KHDRBS2: variants seen among roughly 807,000 people sequenced by gnomAD.
KHDRBS2 encodes the protein KH RNA binding domain containing, signal transduction associated 2.
In KHDRBS2, 26 loss-of-function variants were observed where a neutral mutation model predicts 44.3. The observed-to-expected ratio is 0.59, with a 90% confidence interval of 0.43 to 0.81. KHDRBS2 has a LOEUF of 0.81. Ranked by LOEUF, KHDRBS2 falls within the 40% of genes least tolerant of loss-of-function variation. The pLI is 0.00. For synonymous variants in KHDRBS2, 194 were observed against 151.1 expected (o/e 1.28, Z -2.08); for missense variants, 476 against 433.1 (o/e 1.10, Z -0.88).
chr6:62,044,394 C>T (rs186366703), intron 3 of KHDRBS2, among the ~76,000 whole-genome samples: 89 of 151,844 alleles, frequency 5.9e-4, no homozygotes, highest in African/African-American at 2.0e-3. Flanking sequence ...AAATATCACT[C>T]GAGCCCTGAG....
intron 1 of KHDRBS2, among the ~76,000 whole-genome samples, chr6:62,207,518 C>T (rs1828203004): frequency 6.6e-6 from 1 of 152,086 alleles, no homozygotes; most frequent in Non-Finnish European, 1.5e-5. Flanking sequence ...ATCTTACAAA[C>T]TGCCTAAAGC....
intron 3 of KHDRBS2, among the ~76,000 whole-genome samples, chr6:62,026,320 C>T (rs1783298871): frequency 6.6e-6 from 1 of 151,574 alleles, no homozygotes; most frequent in South Asian, 2.1e-4. Flanking sequence ...ACCGTGAGAA[C>T]AGTATACAAT....
chr6:62,240,855 G>A (rs1834548069), intron 1 of KHDRBS2, among the ~76,000 whole-genome samples: 1 of 150,978 alleles, frequency 6.6e-6, no homozygotes, highest in Non-Finnish European at 1.5e-5. Flanking sequence ...TACAACTTCA[G>A]TATACATATA....
At chr6:61,734,654 TATGAC>T (rs1192025952) in intron 6 of KHDRBS2, among the ~76,000 whole-genome samples, 7 of 152,152 alleles carry the variant, frequency 4.6e-5, no homozygotes, top group African/African-American at 1.7e-4. Flanking sequence ...TGTATCCTCT[TATGAC>T]ATAAATTATT....
chr6:61,834,190 A>C (rs1390715183), intron 6 of KHDRBS2, among the ~76,000 whole-genome samples: 3 of 152,076 alleles, frequency 2.0e-5, no homozygotes, highest in African/African-American at 7.2e-5. Flanking sequence ...AATATCTCCA[A>C]AAAATTCTCT....
At position 62,087,420 on chromosome 6, in the gene KHDRBS2, CTAATT is replaced by C. The variant is rs549824197; in HGVS notation, c.220-39431_220-39427del. Among the ~76,000 whole-genome samples the C allele has an allele frequency of 1.6e-3, 246 of 150,078 alleles. 1 individual carries two copies. The highest frequency in any genetic ancestry group is 5.9e-3 in the African/African-American group (239 of 40,836). Reference sequence around the variant, plus strand: ...AAAAAGACAATTTCATAAATTTAGACTAATTTAGAAGACACAAAAATAAAAATTAT... The same window carrying C: ...AAAAAGACAATTTCATAAATTTAGACTAGAAGACACAAAAATAAAAATTAT... On this transcript the variant is annotated intron_variant, in intron 2 of 8. Transcript: ENST00000281156.
chr6:61,910,589 T>G (rs1448179866), intron 4 of KHDRBS2, among the ~76,000 whole-genome samples: 1 of 152,154 alleles, frequency 6.6e-6, no homozygotes, highest in African/African-American at 2.4e-5. Context: ...TATGTAGACA[T>G]TTTGCAGGAA....
intron 2 of KHDRBS2, among the ~76,000 whole-genome samples, chr6:62,128,008 T>C (rs1414203719): frequency 6.6e-6 from 1 of 152,158 alleles, no homozygotes; most frequent in African/African-American, 2.4e-5. Context: ...ATTTTTCCCA[T>C]CTTTTATAGA....
chr6:61,893,622 C>T (rs1462160748), intron 6 of KHDRBS2, among the ~76,000 whole-genome samples: 1 of 151,994 alleles, frequency 6.6e-6, no homozygotes, highest in Non-Finnish European at 1.5e-5. Flanking sequence ...AGCTGGAAAC[C>T]ATCATTCTCA....
intron 1 of KHDRBS2, among the ~76,000 whole-genome samples, chr6:62,225,114 C>G (rs755696491): frequency 2.6e-5 from 4 of 152,118 alleles, no homozygotes; most frequent in Admixed American, 6.5e-5. Flanking sequence ...GCCAGGCATG[C>G]TTCTAAACAT....
At chr6:61,711,230 A>G (rs1329271136) in intron 7 of KHDRBS2, among the ~76,000 whole-genome samples, 1 of 151,738 alleles carries the variant, frequency 6.6e-6, no homozygotes, top group Non-Finnish European at 1.5e-5. Flanking sequence ...TGGAACTTTA[A>G]CTACCAGTCA....
rs115651007 is a variant in KHDRBS2 at position 62,058,672 on chromosome 6, T to C, written c.220-10678A>G. ...AAAACATTGGTGAGCAAGAGAATAG[T>C]TTTATTAGAATAGAGTAGAACATTA... On this transcript the variant is annotated intron_variant, in intron 2 of 8. Coordinates refer to ENST00000281156, the MANE Select transcript of KHDRBS2 (RefSeq NM_152688.4). Among the ~76,000 whole-genome samples the C allele has an allele frequency of 7.6e-3, 1,161 of 151,986 alleles. 9 individuals are homozygous for C. The highest frequency in any genetic ancestry group is 0.013 in the Admixed American group (200 of 15,224).
In KHDRBS2 at chr6:61,839,472, C is replaced by A. The variant is rs74701860; in HGVS notation, c.810+55163G>T. On this transcript the variant is annotated intron_variant, in intron 6 of 8. Transcript: ENST00000281156. ...GAGTTAAGGCTAATATCCAAATAGG[C>A]AAATGTGTTTAATAGTCAACTGTAA... 5.6e-3 allele frequency among the ~76,000 whole-genome samples: 858 copies of A among 152,118 alleles called. 11 individuals are homozygous for A. The highest frequency in any genetic ancestry group is 0.019 in the African/African-American group (791 of 41,522).
At chr6:61,601,940 C>T in the KHDRBS2 span, among the ~76,000 whole-genome samples, 1 of 152,138 alleles carries the variant, frequency 6.6e-6, no homozygotes, top group African/African-American at 2.4e-5. Context: ...GTTAATGCTC[C>T]TTTTTCTTTA....
At position 62,249,613 on chromosome 6, in the gene KHDRBS2, A is replaced by C. The variant is rs1585417237; in HGVS notation, c.91+36245T>G. 2.0e-5 allele frequency among the ~76,000 whole-genome samples: 3 copies of C among 152,124 alleles called. No homozygotes were observed. The South Asian group carries it at 6.2e-4, about 31-fold the overall frequency. ...GGAAATATATAAAATACAACAAAAA[A>C]ACTAACTTTCACATTTACCTCCTAT... is the stretch of plus-strand genomic sequence containing the variant. On this transcript the variant is annotated intron_variant, in intron 1 of 8. Transcript: ENST00000281156.
At chr6:62,107,625 C>T (rs1429512632) in intron 2 of KHDRBS2, among the ~76,000 whole-genome samples, 14 of 152,046 alleles carry the variant, frequency 9.2e-5, no homozygotes, top group Non-Finnish European at 1.5e-4. Flanking sequence ...AAAAAGAGCC[C>T]GCATCGCCAA....
At chr6:61,804,984 C>T (rs1008571671) in intron 6 of KHDRBS2, among the ~76,000 whole-genome samples, 1 of 152,182 alleles carries the variant, frequency 6.6e-6, no homozygotes, top group African/African-American at 2.4e-5. Flanking sequence ...TTAAATTTCT[C>T]CTCAGAAAAT....
At chr6:61,720,737 A>G (rs1412360287) in intron 7 of KHDRBS2, among the ~76,000 whole-genome samples, 1 of 151,086 alleles carries the variant, frequency 6.6e-6, no homozygotes, top group Non-Finnish European at 1.5e-5. Context: ...TTGCCTGTTC[A>G]CTCTGATGGT....
At chr6:62,125,310 C>A (rs1808702055) in intron 2 of KHDRBS2, among the ~76,000 whole-genome samples, 1 of 152,162 alleles carries the variant, frequency 6.6e-6, no homozygotes, top group South Asian at 2.1e-4. Flanking sequence ...TTTAGACCTA[C>A]CCAGAGGGGA....
Sources: allele counts gnomAD v4.1 joint callset (sites outside exome capture counted in the v4.1 genomes callset), GRCh38; gene constraint gnomAD v4.1.1; transcripts MANE v1.5; gene names NCBI Gene and HGNC (gene_info 2026-07-23, HGNC 2026-07-21).